The following CHST9 variants were observed in gnomAD, a reference collection of about 807,000 sequenced individuals.
CHST9 encodes the protein carbohydrate sulfotransferase 9, also known as GalNAc-4-sulfotransferase 2.
CHST9 carries 41 observed loss-of-function variants against 44.4 expected under a neutral mutation model. The observed-to-expected ratio is 0.92, with a 90% CI of 0.72 to 1.20. The LOEUF (loss-of-function observed/expected upper bound fraction) is 1.20. Ranked by LOEUF, CHST9 falls within the 50% of genes most tolerant of loss-of-function variation. The pLI is 0.00. For missense variants in CHST9, 504 were observed against 516.5 expected (o/e 0.98, Z 0.23); for synonymous variants, 171 against 178.4 (o/e 0.96, Z 0.33).
chr18:26,917,477 C>T (rs2055558762), intron 5 of CHST9, 127 bp from the exon 6 acceptor site: 2 of 1,098,326 alleles, frequency 1.8e-6, no homozygotes, highest in Admixed American at 2.4e-5. Context: ...GCTGCCAGAA[C>T]AATTTAGCAA....
At chr18:26,979,858 A>G (rs2056670529) in intron 4 of CHST9, among the ~76,000 whole-genome samples, 2 of 152,134 alleles carry the variant, frequency 1.3e-5, no homozygotes, top group South Asian at 2.1e-4. Flanking sequence ...AAATTCCTCA[A>G]TTGCTGGTTT....
intron 4 of CHST9, among the ~76,000 whole-genome samples, chr18:26,993,419 TG>T (rs2056848374): frequency 6.6e-6 from 1 of 152,218 alleles, no homozygotes; most frequent in Non-Finnish European, 1.5e-5. Context: ...AAACTAATGT[TG>T]ATGACTGTCT....
chr18:27,160,481 G>GCTTCTT (rs1280331053), intron 1 of CHST9, among the ~76,000 whole-genome samples: 1 of 152,200 alleles, frequency 6.6e-6, no homozygotes, highest in Non-Finnish European at 1.5e-5. Flanking sequence ...TGGTGGATAA[G>GCTTCTT]CTTCTTGATG....
At position 26,914,699 on chromosome 18, in the gene CHST9, A is replaced by G. The variant is rs2055488214; in HGVS notation, c.*1560T>C. 2.7e-6 allele frequency: 1 copy of G among 376,750 alleles called. No homozygotes were observed. The highest frequency in any genetic ancestry group is 2.1e-5 in the African/African-American group (1 of 48,166). 23.3% of individuals were successfully genotyped at this position (376,750 alleles called of 1,614,324 possible). Reference sequence around the variant, plus strand: ...GTGTGTGTAAGGAGCGAAGCAATTCATGAATACTCAGCCATGAAATAGAAA... The same window carrying G: ...GTGTGTGTAAGGAGCGAAGCAATTCGTGAATACTCAGCCATGAAATAGAAA... On this transcript the variant is annotated 3_prime_UTR_variant, in exon 6 of 6. Coordinates refer to ENST00000618847, the MANE Select transcript of CHST9 (RefSeq NM_031422.6).
At chr18:27,059,761 G>C (rs565704374) in intron 2 of CHST9, among the ~76,000 whole-genome samples, 178 of 152,236 alleles carry the variant, frequency 1.2e-3, no homozygotes, top group African/African-American at 4.2e-3. Context: ...GTCAGTACAG[G>C]TTTTAATCCC....
chr18:27,111,046 T>C (rs754712434), intron 2 of CHST9, among the ~76,000 whole-genome samples: 3 of 152,246 alleles, frequency 2.0e-5, no homozygotes, highest in Non-Finnish European at 2.9e-5. Flanking sequence ...TTCTCCACCA[T>C]CTCTTGTGAG....
intron 4 of CHST9, among the ~76,000 whole-genome samples, chr18:26,975,353 G>A (rs1191394629): frequency 1.3e-5 from 2 of 151,792 alleles, no homozygotes; most frequent in Non-Finnish European, 2.9e-5. Context: ...GTGATGTCAG[G>A]GATTTTAGGG....
At chr18:27,105,905 T>G (rs1434297367) in intron 2 of CHST9, among the ~76,000 whole-genome samples, 1 of 152,124 alleles carries the variant, frequency 6.6e-6, no homozygotes, top group Non-Finnish European at 1.5e-5. Context: ...ATCCTTCAAA[T>G]GTAGGAAGTT....
chr18:27,069,780 T>C (rs145690635), intron 2 of CHST9, among the ~76,000 whole-genome samples: 2 of 152,288 alleles, frequency 1.3e-5, no homozygotes, highest in Non-Finnish European at 1.5e-5. Context: ...GAAAACCGAT[T>C]TGGGGGCTAC....
chr18:27,008,567 T>C (rs1441019183), intron 4 of CHST9, among the ~76,000 whole-genome samples: 1 of 152,242 alleles, frequency 6.6e-6, no homozygotes, highest in African/African-American at 2.4e-5. Flanking sequence ...CTTTTGGCTT[T>C]GAAACAGTGT....
At position 27,142,827 on chromosome 18, in the gene CHST9, T is replaced by C. The variant is rs767033856; in HGVS notation, c.-18A>G. 1 of 1,591,572 alleles carries C rather than the reference T, an allele frequency of 6.3e-7. No individual in the cohort carries two copies. ...GGCTGCATTTCTCCTTATTTCAGAA[T>C]CTGAAGACCACATGATTTGTTTTCC... On this transcript the variant is annotated 5_prime_UTR_variant, in exon 2 of 6. Transcript: ENST00000618847.
At position 27,113,556 on chromosome 18, in the gene CHST9, G is replaced by A. The variant is rs533392724; in HGVS notation, c.121+29133C>T. Reference sequence around the variant, plus strand: ...GGGAGGTAATTAGGTCAGGAGGGTGGTGCCCTTGGGAATGGGATTAGTGCC... The same window carrying A: ...GGGAGGTAATTAGGTCAGGAGGGTGATGCCCTTGGGAATGGGATTAGTGCC... On this transcript the variant is annotated intron_variant, in intron 2 of 5. Coordinates refer to ENST00000618847, the MANE Select transcript of CHST9 (RefSeq NM_031422.6). Among the ~76,000 whole-genome samples, 24 of 152,194 alleles carry A rather than the reference G, an allele frequency of 1.6e-4. No individual in the cohort carries two copies. In the South Asian group the frequency reaches 4.4e-3, roughly 28 times the overall value.
chr18:27,020,233 G>A (rs1474798112), intron 4 of CHST9, among the ~76,000 whole-genome samples: 1 of 152,244 alleles, frequency 6.6e-6, no homozygotes, highest in Non-Finnish European at 1.5e-5. Context: ...AGGCAGGGCT[G>A]CACTTCAGTG....
At chr18:26,972,177 C>T (rs112051473) in intron 4 of CHST9, among the ~76,000 whole-genome samples, 39,825 of 151,214 alleles carry the variant, frequency 0.26, 5,771 homozygotes, top group African/African-American at 0.39. Flanking sequence ...GCCAACATGG[C>T]GAAAACCCAT....
At position 26,916,189 on chromosome 18, in the gene CHST9, T is replaced by C. The variant is rs1188462626; in HGVS notation, c.*70A>G. On this transcript the variant is annotated 3_prime_UTR_variant, in exon 6 of 6. Coordinates refer to ENST00000618847, the MANE Select transcript of CHST9 (RefSeq NM_031422.6). Reference sequence around the variant, plus strand: ...TAAATTTCTGTCATACAGAGAATTATAGAAAAATTACAGCTGATTTGAACT... The same window carrying C: ...TAAATTTCTGTCATACAGAGAATTACAGAAAAATTACAGCTGATTTGAACT... 4 of 1,209,710 alleles carry C rather than the reference T, an allele frequency of 3.3e-6. No homozygotes were observed. The highest frequency in any genetic ancestry group is 4.6e-6 in the Non-Finnish European group (4 of 861,244). The allele number at this position is 1,209,710 out of a possible 1,614,324, so 74.9% of individuals were successfully genotyped here.
chr18:27,004,938 C>A (rs1208184792), intron 4 of CHST9, among the ~76,000 whole-genome samples: 1 of 152,138 alleles, frequency 6.6e-6, no homozygotes, highest in Non-Finnish European at 1.5e-5. Flanking sequence ...ATTCCCTTCT[C>A]CTCTGTTAAG....
At chr18:26,995,290 T>A (rs1340089986) in intron 4 of CHST9, among the ~76,000 whole-genome samples, 4 of 147,406 alleles carry the variant, frequency 2.7e-5, no homozygotes, top group African/African-American at 1.0e-4. Context: ...TGCAAAAAAT[T>A]AGCTGGGCGT....
intron 2 of CHST9, among the ~76,000 whole-genome samples, chr18:27,071,771 T>C (rs1055358415): frequency 2.0e-5 from 3 of 152,180 alleles, no homozygotes; most frequent in Non-Finnish European, 4.4e-5. Context: ...CTAGAGGACA[T>C]ACAAATAATG....
chr18:26,948,291 A>C (rs958500691), intron 4 of CHST9, among the ~76,000 whole-genome samples: 1 of 152,116 alleles, frequency 6.6e-6, no homozygotes, highest in African/African-American at 2.4e-5. Context: ...AGAAATATCT[A>C]ATGTAGATGA....
Sources: gnomAD v4.1 joint callset for allele counts (sites outside exome capture counted in the v4.1 genomes callset) on GRCh38, gnomAD v4.1.1 for gene constraint, MANE v1.5 for transcripts, NCBI Gene and HGNC (gene_info 2026-07-23, HGNC 2026-07-21) for gene names.